Variants in FRAS1 observed in about 807,000 individuals in gnomAD.
FRAS1 encodes the protein Fraser extracellular matrix complex subunit 1, also known as extracellular matrix organizing protein FRAS1.
Under a neutral mutation model 435.2 loss-of-function variants are expected in FRAS1, and 290 were observed. The observed-to-expected ratio is 0.67, with a 90% CI of 0.61 to 0.73. FRAS1 has a LOEUF of 0.73. Among genes scored for constraint, FRAS1 ranks in the 30% least tolerant of loss-of-function variants. FRAS1 has a pLI of 0.00. For synonymous variants in FRAS1, 1,800 were observed against 1,851.0 expected (o/e 0.97, Z 0.71); for missense variants, 4,860 against 5,001.5 (o/e 0.97, Z 0.85).
chr4:78,278,422 T>C (rs563599438), intron 9 of FRAS1, among the ~76,000 whole-genome samples: 1 of 152,272 alleles, frequency 6.6e-6, no homozygotes, highest in South Asian at 2.1e-4. Flanking sequence ...TATGGAGGGA[T>C]CAGAGCATAA....
At position 78,245,260 on chromosome 4, in the gene FRAS1, C is replaced by G; in HGVS notation, c.244C>G (p.Gln82Glu). The G allele has an allele frequency of 6.2e-7, 1 of 1,608,598 alleles. No homozygotes were observed. Among genetic ancestry groups the G allele is most frequent in the South Asian group, 1.1e-5 (1 of 89,584 alleles). ...AGAAGTGCTTCAAATAGCTGCCAAC[C>G]AATGCTGTCCTGAGTGTGTTTTGAG... is the stretch of plus-strand genomic sequence containing the variant. Reference protein sequence around the residue: ...KGEVLQIAANQCCPECVLRTP... With the variant: ...KGEVLQIAANECCPECVLRTP... The change falls in exon 4 of 74, where the codon CAA (glutamine) becomes GAA (glutamate). Residue 82 changes from glutamine (Q) to glutamate (E), a missense_variant. Coordinates refer to ENST00000512123, the MANE Select transcript of FRAS1 (RefSeq NM_025074.7).
chr4:78,364,106 G>A (rs184205104), intron 22 of FRAS1, 52 bp downstream of exon 22: 479 of 1,529,790 alleles, frequency 3.1e-4, no homozygotes, highest in Admixed American at 5.7e-4. Context: ...CTGCCTTTCT[G>A]GAGCCATTGA....
chr4:78,172,949 C>A (rs921867469), intron 2 of FRAS1, among the ~76,000 whole-genome samples: 1 of 151,638 alleles, frequency 6.6e-6, no homozygotes, highest in South Asian at 2.1e-4. Context: ...AGTGCCCTTG[C>A]GGTCTCTGTG....
intron 14 of FRAS1, among the ~76,000 whole-genome samples, chr4:78,292,246 A>G (rs888740389): frequency 8.5e-5 from 13 of 152,238 alleles, no homozygotes; most frequent in Non-Finnish European, 1.6e-4. Flanking sequence ...AAATATATAG[A>G]GAACAGTATA....
At chr4:78,151,530 G>T (rs1720660873) in intron 2 of FRAS1, among the ~76,000 whole-genome samples, 1 of 152,130 alleles carries the variant, frequency 6.6e-6, no homozygotes, top group South Asian at 2.1e-4. Context: ...ATGTTTCAGG[G>T]TAATGAAACC....
At position 78,364,045 on chromosome 4, in the gene FRAS1, G is replaced by T. The variant is rs745528563; in HGVS notation, c.2713G>T (p.Val905Phe). 1 of 1,583,854 alleles carries T rather than the reference G, an allele frequency of 6.3e-7. No individual in the cohort carries two copies. The highest frequency in any genetic ancestry group is 1.3e-5 in the African/African-American group (1 of 74,386). ...FPGHYLDDNH[V>F]CQPCNTHCGS... ...TGGGCACTATCTTGATGACAATCAT[G>T]TTTGCCAGCGTAGGTTTTTCCAATG... Residue 905 changes from valine to phenylalanine, a missense_variant, in exon 22 of 74, where the codon GTT (valine) becomes TTT (phenylalanine). Physicochemically the swap from Val to Phe is conservative, Grantham distance 50. Transcript: ENST00000512123.
rs1560423150 is a variant in FRAS1, at chr4:78,518,444, A to ATT, written c.10390-886_10390-885insTT. ...TGTGTATATATATATATATATATAT[A>ATT]TATATATATTTATTTATTTATTTAT... On this transcript the variant is annotated intron_variant, in intron 66 of 73. Transcript: ENST00000512123. Among the ~76,000 whole-genome samples, 281 of 132,680 alleles carry ATT rather than the reference A, an allele frequency of 2.1e-3. 1 individual carries two copies. The highest frequency in any genetic ancestry group is 7.9e-3 in the African/African-American group (264 of 33,586). The allele number at this position is 132,680 out of a possible 152,430, so 87.0% of individuals were successfully genotyped here.
rs116042977 is a variant in FRAS1 at position 78,406,858 on chromosome 4, C to T, written c.4130-805C>T. On this transcript the variant is annotated intron_variant, in intron 30 of 73. Transcript: ENST00000512123. ...CTGTTAGCTATTACAAGTTGAGCAT[C>T]CCTAATCCAAAAATCTGAAATCTGA... 2.9e-3 allele frequency among the ~76,000 whole-genome samples: 439 copies of T among 152,238 alleles called. 3 individuals carry two copies. The highest frequency in any genetic ancestry group is 0.01 in the African/African-American group (417 of 41,554).
chr4:78,133,150 T>A (rs1719759684), intron 2 of FRAS1, among the ~76,000 whole-genome samples: 2 of 152,150 alleles, frequency 1.3e-5, no homozygotes, highest in African/African-American at 4.8e-5. Flanking sequence ...ATACATAAAA[T>A]TGGTACTTAT....
intron 58 of FRAS1, among the ~76,000 whole-genome samples, chr4:78,487,441 C>T (rs1213507803): frequency 2.0e-5 from 3 of 152,136 alleles, no homozygotes; most frequent in African/African-American, 7.2e-5. Flanking sequence ...ACCTTTCCTT[C>T]CTTTCTGGGT....
chr4:78,535,594 C>G (rs1721857597), intron 71 of FRAS1, among the ~76,000 whole-genome samples: 1 of 152,184 alleles, frequency 6.6e-6, no homozygotes, highest in South Asian at 2.1e-4. Context: ...ATCCTACGTC[C>G]CATCTATCAT....
At position 78,342,976 on chromosome 4, in the gene FRAS1, T is replaced by C. The variant is rs373275549; in HGVS notation, c.2422+5159T>C. ...GAGAATGTGAGCAAAAGAAGACAAA[T>C]ATCAGTAAAGAAATATACTTTGAGT... On this transcript the variant is annotated intron_variant, in intron 20 of 73. Transcript: ENST00000512123. Among the ~76,000 whole-genome samples, 520 of 152,306 alleles carry C rather than the reference T, an allele frequency of 3.4e-3. 3 individuals carry two copies. Among genetic ancestry groups the C allele is most frequent in the African/African-American group, 0.012 (508 of 41,546 alleles).
intron 12 of FRAS1, among the ~76,000 whole-genome samples, chr4:78,284,067 T>C (rs1727459335): frequency 6.6e-6 from 1 of 152,126 alleles, no homozygotes; most frequent in African/African-American, 2.4e-5. Flanking sequence ...TCATAAATTA[T>C]TGAATCTGTT....
intron 19 of FRAS1, among the ~76,000 whole-genome samples, chr4:78,334,363 C>CTTTTTTTTTT (rs1007481617): frequency 1.1e-5 from 1 of 92,270 alleles, no homozygotes; most frequent in African/African-American, 4.5e-5. Flanking sequence ...AACCAATTTT[C>CTTTTTTTTTT]TTTTTTTTTT....
intron 2 of FRAS1, among the ~76,000 whole-genome samples, chr4:78,127,379 C>G (rs1719418594): frequency 6.6e-6 from 1 of 152,082 alleles, no homozygotes; most frequent in African/African-American, 2.4e-5. Context: ...GAGTTTTGCT[C>G]TGGGGAGAGA....
chr4:78,330,487 A>G (rs1377188278), intron 18 of FRAS1, among the ~76,000 whole-genome samples: 2 of 152,266 alleles, frequency 1.3e-5, no homozygotes, highest in Admixed American at 1.3e-4. Context: ...CATGCAGAAC[A>G]GAGCCATATT....
At chr4:78,302,504 C>G (rs7672179) in intron 14 of FRAS1, among the ~76,000 whole-genome samples, 2 of 151,846 alleles carry the variant, frequency 1.3e-5, no homozygotes, top group Non-Finnish European at 2.9e-5. Flanking sequence ...TCTCCACATC[C>G]TCTCCAGCAC....
chr4:78,167,346 T>A (rs1721371488), intron 2 of FRAS1, among the ~76,000 whole-genome samples: 1 of 152,072 alleles, frequency 6.6e-6, no homozygotes, highest in South Asian at 2.1e-4. Context: ...ATTATTGCCA[T>A]AGAGTATAGC....
chr4:78,098,603 C>G (rs1342475972), intron 2 of FRAS1, among the ~76,000 whole-genome samples: 1 of 152,092 alleles, frequency 6.6e-6, no homozygotes, highest in East Asian at 1.9e-4. Flanking sequence ...TTCAAGGCAC[C>G]AGATCCACCA....
Sources: allele counts gnomAD v4.1 joint callset (sites outside exome capture counted in the v4.1 genomes callset), GRCh38; gene constraint gnomAD v4.1.1; transcripts MANE v1.5; gene names NCBI Gene and HGNC (gene_info 2026-07-23, HGNC 2026-07-21).